The following OR8G5 variants were observed in gnomAD, a reference collection of about 807,000 sequenced individuals.
OR8G5 encodes the protein olfactory receptor family 8 subfamily G member 5.
For synonymous variants in OR8G5, 147 were observed against 147.7 expected, an observed-to-expected ratio of 1.00 and a Z score of 0.03; for missense variants, 347 against 371.9, an observed-to-expected ratio of 0.93 and a Z score of 0.55.
At chr11:124,259,174 T>G (rs1861941195) in intron 1 of OR8G5, among the ~76,000 whole-genome samples, 1 of 152,210 alleles carries the variant, frequency 6.6e-6, no homozygotes. Flanking sequence ...TTTATTTTAT[T>G]TTTCAGAGAG....
chr11:124,259,401 G>A (rs1861943817), intron 1 of OR8G5, among the ~76,000 whole-genome samples: 2 of 152,214 alleles, frequency 1.3e-5, no homozygotes, highest in South Asian at 4.1e-4. Flanking sequence ...TAGAGAGGGG[G>A]TAGCAATACT....
chr11:124,265,297 C>A lies in OR8G5; in HGVS notation c.366C>A (p.Gly122=). The A allele has an allele frequency of 6.2e-7, 1 of 1,614,040 alleles. No homozygotes were observed. The highest frequency in any genetic ancestry group is 1.3e-5 in the African/African-American group (1 of 75,056). Reference sequence around the variant, plus strand: ...TGTTGGCTGCAATGGCATATGACGGCTACGTGGCCATCTGTAGCCCCTTGC... The same window carrying A: ...TGTTGGCTGCAATGGCATATGACGGATACGTGGCCATCTGTAGCCCCTTGC... ...CHMLAAMAYD[G]YVAICSPLLY... is the part of the protein sequence containing the mutation. The change falls in exon 2 of 2, where the codon GGC becomes GGA. Residue 122 remains glycine (G), a synonymous_variant. Transcript: ENST00000641992.
intron 1 of OR8G5, among the ~76,000 whole-genome samples, chr11:124,260,579 CAATTG>C (rs1485773223): frequency 6.6e-6 from 1 of 151,668 alleles, no homozygotes; most frequent in Non-Finnish European, 1.5e-5. Flanking sequence ...TTATATCCAG[CAATTG>C]AATTATGTTA....
chr11:124,260,819 T>G (rs1400680375), intron 1 of OR8G5, among the ~76,000 whole-genome samples: 5 of 151,988 alleles, frequency 3.3e-5, no homozygotes, highest in Non-Finnish European at 7.4e-5. Flanking sequence ...ATCATTTGTT[T>G]GTGTTGGAAA....
Position 124,259,334 on chromosome 11 carries a change from G to C in OR8G5, c.-15+2700G>C, listed in dbSNP as rs1036553830. Among the ~76,000 whole-genome samples the C allele has an allele frequency of 2.6e-5, 4 of 152,184 alleles. No homozygotes were observed. In the South Asian group the frequency reaches 8.3e-4, roughly 32 times the overall value. On this transcript the variant is annotated intron_variant, in intron 1 of 1. Coordinates refer to ENST00000641992, the MANE Select transcript of OR8G5 (RefSeq NM_001005198.2). ...ACAAAGATTTGAAAATATTTTCAAA[G>C]TTTCAGAAGCTACTAAAAGATATCT... is the stretch of plus-strand genomic sequence containing the variant.
chr11:124,264,500 G>T (rs1197185647), intron 1 of OR8G5, among the ~76,000 whole-genome samples: 5 of 152,148 alleles, frequency 3.3e-5, no homozygotes. Context: ...ACAATAATAA[G>T]ATTTCTGTTC....
rs750730185 is a variant in OR8G5 at position 124,265,280 on chromosome 11, G to T, written c.349G>T (p.Ala117Ser). 8.7e-6 allele frequency: 14 copies of T among 1,613,930 alleles called. No individual in the cohort carries two copies. In the South Asian group the frequency reaches 1.4e-4, roughly 16 times the overall value. Residue 117 changes from alanine (A) to serine (S), a missense_variant, in exon 2 of 2, where the codon GCA (alanine) becomes TCA (serine). Coordinates refer to ENST00000641992, the MANE Select transcript of OR8G5 (RefSeq NM_001005198.2). ...FAIAECHMLA[A>S]MAYDGYVAIC... The stretch of plus-strand genomic sequence containing the variant: ...TATTGCAGAGTGTCACATGTTGGCT[G>T]CAATGGCATATGACGGCTACGTGGC...
At chr11:124,264,862 A>G (rs748511081) in intron 1 of OR8G5, 56 bp from the exon 2 acceptor site, 7 of 1,599,728 alleles carry the variant, frequency 4.4e-6, no homozygotes, top group Non-Finnish European at 6.0e-6. Flanking sequence ...CTTTCCTACA[A>G]AAGGAGAATA....
chr11:124,257,789 A>G (rs1369802629), intron 1 of OR8G5, among the ~76,000 whole-genome samples: 1 of 152,178 alleles, frequency 6.6e-6, no homozygotes, highest in Non-Finnish European at 1.5e-5. Flanking sequence ...GGAAATTCCA[A>G]AGAGTCCCAC....
intron 1 of OR8G5, among the ~76,000 whole-genome samples, chr11:124,258,061 C>T (rs748693869): frequency 7.9e-5 from 12 of 152,146 alleles, no homozygotes; most frequent in Non-Finnish European, 1.8e-4. Flanking sequence ...ATTGAATTAT[C>T]TCCTCTCTGG....
intron 1 of OR8G5, among the ~76,000 whole-genome samples, chr11:124,258,419 G>C (rs541514850): frequency 2.3e-4 from 35 of 151,988 alleles, no homozygotes; most frequent in Admixed American, 1.7e-3. Context: ...TTAGCTGAGC[G>C]TGGTGGCGGG....
chr11:124,256,628 A>C lies in OR8G5; in HGVS notation c.-21A>C, dbSNP rs772447530. ...AATTTGGAACTGAGGTTTCAGGCAA[A>C]AGAAAGGTGAGTGTGTTCATCTCAC... On this transcript the variant is annotated 5_prime_UTR_variant, in exon 1 of 2. Coordinates refer to ENST00000641992, the MANE Select transcript of OR8G5 (RefSeq NM_001005198.2). 3 of 152,218 alleles carry C rather than the reference A, an allele frequency of 2.0e-5. No homozygotes were observed. Among genetic ancestry groups the C allele is most frequent in the Non-Finnish European group, 4.4e-5 (3 of 68,044 alleles). The allele number at this position is 152,218 out of a possible 1,614,324, so 9.4% of individuals were successfully genotyped here.
intron 1 of OR8G5, among the ~76,000 whole-genome samples, chr11:124,258,989 T>G (rs1861939052): frequency 6.6e-6 from 1 of 152,312 alleles, no homozygotes; most frequent in East Asian, 1.9e-4. Context: ...TTAAAATGCC[T>G]TTATGCTTTT....
rs376808332 is a variant in OR8G5 at position 124,265,744 on chromosome 11, G to T, written c.813G>T (p.Gly271=). 4.5e-5 allele frequency: 73 copies of T among 1,614,154 alleles called. No individual in the cohort carries two copies. In the African/African-American group the frequency reaches 9.1e-4, roughly 20 times the overall value. The part of the protein sequence containing the change: ...QPSSVSSMDQ[G]KVSSVFYTIV... ...CATCTGTCAGCTCCATGGACCAGGG[G>T]AAAGTGTCCTCTGTGTTTTATACTA... Residue 271 remains glycine, a synonymous_variant, in exon 2 of 2, where the codon GGG becomes GGT. Coordinates refer to ENST00000641992, the MANE Select transcript of OR8G5 (RefSeq NM_001005198.2).
At chr11:124,262,870 G>A (rs1031334545) in intron 1 of OR8G5, among the ~76,000 whole-genome samples, 1 of 152,068 alleles carries the variant, frequency 6.6e-6, no homozygotes, top group Non-Finnish European at 1.5e-5. Context: ...TTTATTTAAT[G>A]TCTGTTTAAG....
At position 124,265,226 on chromosome 11, in the gene OR8G5, A is replaced by G. The variant is rs780806209; in HGVS notation, c.295A>G (p.Thr99Ala). The change falls in exon 2 of 2, where the codon ACT becomes GCT. Residue 99 changes from threonine (T) to alanine (A), a missense_variant. By Grantham distance (58) the Thr-to-Ala change is moderately conservative (BLOSUM62 0). Transcript: ENST00000641992. The stretch of plus-strand genomic sequence containing the variant: ...CATCATCTCCTACCCTGAATGCATG[A>G]CTCAGCTCTACTTCTTCCTCGTTTT... The part of the protein sequence containing the change: ...KNIISYPECM[T>A]QLYFFLVFAI... 3 of 1,613,798 alleles carry G rather than the reference A, an allele frequency of 1.9e-6. No individual in the cohort carries two copies. The African/African-American group carries it at 4.0e-5, about 22-fold the overall frequency.
chr11:124,260,411 A>T (rs573709229), intron 1 of OR8G5, among the ~76,000 whole-genome samples: 1 of 151,952 alleles, frequency 6.6e-6, no homozygotes, highest in African/African-American at 2.4e-5. Flanking sequence ...AATAGGTACA[A>T]TGCTTAATAC....
chr11:124,256,825 T>A (rs2466724), intron 1 of OR8G5, among the ~76,000 whole-genome samples, 191 bp downstream of exon 1: 3 of 152,020 alleles, frequency 2.0e-5, no homozygotes, highest in African/African-American at 7.2e-5. Flanking sequence ...GAAGAGAGGA[T>A]GTCTGATCCA....
chr11:124,260,343 T>C (rs537010314), intron 1 of OR8G5, among the ~76,000 whole-genome samples: 31 of 152,064 alleles, frequency 2.0e-4, no homozygotes, highest in African/African-American at 7.2e-4. Context: ...TAATGTGTTC[T>C]CATTTATAAG....
Sources: allele counts gnomAD v4.1 joint callset (sites outside exome capture counted in the v4.1 genomes callset), GRCh38; gene constraint gnomAD v4.1.1; transcripts MANE v1.5; gene names NCBI Gene and HGNC (gene_info 2026-07-23, HGNC 2026-07-21).